The following CNTN4 variants were observed in gnomAD, a reference collection of about 807,000 sequenced individuals.
CNTN4 encodes contactin 4.
CNTN4 carries 77 observed loss-of-function variants against 122.5 expected under a neutral mutation model. That is an observed-to-expected ratio of 0.63 (90% confidence interval 0.52 to 0.76). The LOEUF (loss-of-function observed/expected upper bound fraction) is 0.76. CNTN4 is among the 30% of genes least tolerant of loss of function. The pLI is 0.00. For synonymous variants in CNTN4, 512 were observed against 447.0 expected (o/e 1.15, Z -1.83); for missense variants, 1,256 against 1,259.1 (o/e 1.00, Z 0.04).
rs374129574 is a variant in CNTN4 at position 2,187,897 on chromosome 3, G to C, written c.-145+87258G>C. Among the ~76,000 whole-genome samples, 5 of 152,098 alleles carry C rather than the reference G, an allele frequency of 3.3e-5. 1 individual carries two copies. The East Asian group carries it at 5.8e-4, about 18-fold the overall frequency. On this transcript the variant is annotated intron_variant, in intron 2 of 24. Transcript: ENST00000418658. ...ATGGTAAAAAGGCCAGGATTGAGATGTTCTCTTTTGACACCATAGTTTTAT... is the reference window on the plus strand; with the variant it reads ...ATGGTAAAAAGGCCAGGATTGAGATCTTCTCTTTTGACACCATAGTTTTAT...
At chr3:2,205,193 G>C (rs1186237833) in intron 2 of CNTN4, among the ~76,000 whole-genome samples, 3 of 150,896 alleles carry the variant, frequency 2.0e-5, no homozygotes, top group African/African-American at 7.3e-5. Flanking sequence ...TAAATACATG[G>C]ATAGTTTTCT....
rs186948905 is a variant in CNTN4, at chr3:2,678,951, G to T, written c.56-57264G>T. 6.0e-4 allele frequency among the ~76,000 whole-genome samples: 91 copies of T among 152,224 alleles called. 1 individual carries two copies. Among genetic ancestry groups the T allele is most frequent in the Non-Finnish European group, 1.8e-4 (12 of 68,030 alleles). On this transcript the variant is annotated intron_variant, in intron 4 of 24. Coordinates refer to ENST00000418658, the MANE Select transcript of CNTN4 (RefSeq NM_175607.3). ...TACAGCTGTCATTTTAGCTACAAAG[G>T]TACCTTTTTACATTAAACTGAAAAA... is the stretch of plus-strand genomic sequence containing the variant.
In CNTN4 at chr3:2,242,691, A is replaced by G. The variant is rs370358489; in HGVS notation, c.-144-96487A>G. Among the ~76,000 whole-genome samples the G allele has an allele frequency of 2.0e-5, 3 of 152,262 alleles. No individual in the cohort carries two copies. In the South Asian group the frequency reaches 6.2e-4, roughly 32 times the overall value. The stretch of plus-strand genomic sequence containing the variant: ...TGTATCTATCTGTGGATACAAAATG[A>G]ATAAAGATGGATCTGGACATTTCAC... On this transcript the variant is annotated intron_variant, in intron 2 of 24. Transcript: ENST00000418658.
At chr3:2,461,899 G>C (rs528455878) in intron 3 of CNTN4, among the ~76,000 whole-genome samples, 4 of 152,266 alleles carry the variant, frequency 2.6e-5, no homozygotes, top group African/African-American at 9.6e-5. Context: ...TTCTAACTCA[G>C]CCTGTCTAGT....
At chr3:2,197,359 T>G (rs1009098018) in intron 2 of CNTN4, among the ~76,000 whole-genome samples, 1 of 152,192 alleles carries the variant, frequency 6.6e-6, no homozygotes, top group African/African-American at 2.4e-5. Context: ...CGGAATTAAT[T>G]GATATACATT....
intron 4 of CNTN4, among the ~76,000 whole-genome samples, chr3:2,681,087 T>C (rs2150486850): frequency 6.6e-6 from 1 of 152,364 alleles, no homozygotes; most frequent in South Asian, 2.1e-4. Context: ...TAATGGGGGT[T>C]GTGCCTTGTA....
chr3:2,266,306 G>A (rs1346987035), intron 2 of CNTN4, among the ~76,000 whole-genome samples: 2 of 151,924 alleles, frequency 1.3e-5, no homozygotes. Context: ...CACAAGTGTT[G>A]TTTTTCTTAT....
At chr3:2,381,200 G>T (rs2046007967) in intron 3 of CNTN4, among the ~76,000 whole-genome samples, 2 of 151,978 alleles carry the variant, frequency 1.3e-5, no homozygotes, top group Non-Finnish European at 2.9e-5. Flanking sequence ...TAGAGATGGG[G>T]TTTCACCATG....
intron 6 of CNTN4, among the ~76,000 whole-genome samples, chr3:2,796,457 A>G (rs2092185033): frequency 6.6e-6 from 1 of 152,120 alleles, no homozygotes; most frequent in Non-Finnish European, 1.5e-5. Flanking sequence ...TATTCCTTTT[A>G]ATTCTATGGT....
chr3:2,606,975 T>C (rs2081284471), intron 4 of CNTN4, among the ~76,000 whole-genome samples: 1 of 152,180 alleles, frequency 6.6e-6, no homozygotes, highest in African/African-American at 2.4e-5. Context: ...TCTTTTTCCA[T>C]TGGCTCCTGA....
chr3:2,335,900 C>CA, intron 2 of CNTN4, among the ~76,000 whole-genome samples: 1 of 152,074 alleles, frequency 6.6e-6, no homozygotes, highest in East Asian at 1.9e-4. Flanking sequence ...TAAGACTATA[C>CA]GTTGGATCCA....
In CNTN4 at chr3:3,056,731, C is replaced by T. The variant is rs994519355; in HGVS notation, c.*511C>T. The T allele has an allele frequency of 6.4e-6, 1 of 156,440 alleles. No homozygotes were observed. The highest frequency in any genetic ancestry group is 1.4e-5 in the Non-Finnish European group (1 of 70,484). The allele number at this position is 156,440 out of a possible 1,614,324, so 9.7% of individuals were successfully genotyped here. A position where few individuals can be genotyped will look rare whatever the true frequency, so the allele number is the denominator to read the frequency against. On this transcript the variant is annotated 3_prime_UTR_variant, in exon 25 of 25. Coordinates refer to ENST00000418658, the MANE Select transcript of CNTN4 (RefSeq NM_175607.3). The stretch of plus-strand genomic sequence containing the variant: ...GGAAGACTTGGTCCGTAACTCAAGG[C>T]TGTTGTATGCAAACTACTCTTCTAG...
In CNTN4 at chr3:3,056,097, GTGAATT is replaced by G. The variant is rs755811225; in HGVS notation, c.2981-20_2981-15del. The G allele has an allele frequency of 6.2e-6, 10 of 1,602,420 alleles. No individual in the cohort carries two copies. In the African/African-American group the frequency reaches 1.3e-4, roughly 21 times the overall value. On this transcript the variant is annotated splice_polypyrimidine_tract_variant and intron_variant, in intron 24 of 24. Transcript: ENST00000418658. Reference sequence around the variant, plus strand: ...TGAAGCCGGGATGGGGCTGTTTTGAGTGAATTTGTTCTCTCTTTTCAGATGCCTACG... The same window carrying G: ...TGAAGCCGGGATGGGGCTGTTTTGAGTGTTCTCTCTTTTCAGATGCCTACG...
chr3:2,906,302 G>A (rs879821470), intron 12 of CNTN4, among the ~76,000 whole-genome samples: 11 of 151,962 alleles, frequency 7.2e-5, no homozygotes, highest in African/African-American at 1.2e-4. Flanking sequence ...ACAAGATATC[G>A]TACTCTCAAA....
intron 2 of CNTN4, among the ~76,000 whole-genome samples, chr3:2,170,191 GC>G: frequency 6.6e-6 from 1 of 151,308 alleles, no homozygotes; most frequent in African/African-American, 2.4e-5. Flanking sequence ...CGTGGTGGCG[GC>G]GCCTGTAGTC....
At chr3:2,114,824 AT>A (rs1321683305) in intron 2 of CNTN4, among the ~76,000 whole-genome samples, 16 of 152,064 alleles carry the variant, frequency 1.1e-4, no homozygotes, top group African/African-American at 3.9e-4. Flanking sequence ...TGACCAATAT[AT>A]TTTCTGGCAT....
At chr3:2,524,293 A>G (rs2077322661) in intron 3 of CNTN4, among the ~76,000 whole-genome samples, 1 of 152,126 alleles carries the variant, frequency 6.6e-6, no homozygotes, top group African/African-American at 2.4e-5. Flanking sequence ...AAGTTTAGCC[A>G]TATTGTCGTG....
intron 3 of CNTN4, among the ~76,000 whole-genome samples, chr3:2,543,702 C>T (rs931036951): frequency 6.6e-6 from 1 of 152,072 alleles, no homozygotes; most frequent in Admixed American, 6.6e-5. Context: ...ATGGGACAGA[C>T]AAAGAAAACC....
At chr3:3,038,579 T>C (rs1470396631) in intron 18 of CNTN4, among the ~76,000 whole-genome samples, 1 of 152,150 alleles carries the variant, frequency 6.6e-6, no homozygotes, top group Non-Finnish European at 1.5e-5. Context: ...CCTTTGTGTA[T>C]CTCCACGTGG....
Sources: gnomAD v4.1 joint callset for allele counts (sites outside exome capture counted in the v4.1 genomes callset) on GRCh38, gnomAD v4.1.1 for gene constraint, MANE v1.5 for transcripts, NCBI Gene and HGNC (gene_info 2026-07-23, HGNC 2026-07-21) for gene names.